GET3: variants seen among roughly 807,000 people sequenced by gnomAD.
The protein encoded by GET3 is ATPase GET3.
A neutral mutation model predicts 32.4 loss-of-function variants in GET3; 15 were observed. The observed-to-expected ratio is 0.46, with a 90% CI of 0.31 to 0.71. The LOEUF is 0.71. Among genes scored for constraint, GET3 ranks in the 30% least tolerant of loss-of-function variants. The pLI, the probability that GET3 is intolerant of heterozygous loss-of-function variation, is 0.05. For synonymous variants in GET3, 198 were observed against 185.6 expected (o/e 1.07, Z -0.54); for missense variants, 333 against 459.0 (o/e 0.73, Z 2.51).
At chr19:12,743,662 C>T (rs1166638916) in intron 2 of GET3, among the ~76,000 whole-genome samples, 8 of 141,832 alleles carry the variant, frequency 5.6e-5, no homozygotes, top group Admixed American at 1.4e-4. Context: ...TGGTGGCGGG[C>T]GCCTGTAGTC....
rs905668761 is a variant in GET3, at chr19:12,745,741, C to A, written c.591C>A (p.Ile197=). 3 of 1,610,050 alleles carry A rather than the reference C, an allele frequency of 1.9e-6. No homozygotes were observed. The African/African-American group carries it at 4.0e-5, about 21-fold the overall frequency. The change falls in exon 4 of 7, where the codon ATC becomes ATA. Residue 197 remains isoleucine (I), a synonymous_variant. Transcript: ENST00000357332. This position sits in a 1 kb window ranked among gnomAD's most constrained non-coding sequence, Gnocchi z 5.0. ...LGRLMQIKNQ[I]SPFISQMCNM... ...GGCTTATGCAGATCAAGAACCAGAT[C>A]AGCCCTTTCATCTCACAGGCAGGCG...
intron 2 of GET3, among the ~76,000 whole-genome samples, chr19:12,739,146 G>C (rs991689381): frequency 3.9e-5 from 6 of 151,964 alleles, no homozygotes; most frequent in African/African-American, 1.5e-4. Context: ...GCAGAATGTT[G>C]GGGGAGAAGT....
Position 12,745,432 on chromosome 19 carries a change from A to G in GET3, c.365A>G (p.Asp122Gly). Residue 122 changes from aspartate (D) to glycine (G), a missense_variant, in exon 3 of 7, where the codon GAC becomes GGC. By Grantham distance (94) the Asp-to-Gly change is moderately conservative. This residue lies in a region of GET3 where 230 missense variants were observed against 389.2 expected (regional missense o/e 0.59). Transcript: ENST00000357332. This position sits in a 1 kb window ranked among gnomAD's most constrained non-coding sequence, Gnocchi z 5.0. ...AELPDEFFEE[D>G]NMLSMGKKMM... The stretch of plus-strand genomic sequence containing the variant: ...CTGCCTGACGAGTTCTTCGAGGAGG[A>G]CAACATGCTGAGCATGGGCAAGAAG... 1 of 1,613,020 alleles carries G rather than the reference A, an allele frequency of 6.2e-7. No individual in the cohort carries two copies. Among genetic ancestry groups the G allele is most frequent in the Non-Finnish European group, 8.5e-7 (1 of 1,179,994 alleles).
At chr19:12,737,766 G>A in intron 1 of GET3, 100 bp downstream of exon 1, 3 of 1,431,654 alleles carry the variant, frequency 2.1e-6, no homozygotes, top group Admixed American at 3.0e-5. Context: ...GGGCATGGGG[G>A]CTGGCGGGGG....
Position 12,738,377 on chromosome 19 carries a change from A to G in GET3, c.162-134A>G, listed in dbSNP as rs8177468. ...GTAGGGACTGAGGCTCAATCCCACC[A>G]TAACCCATACTCTCCTCTCAAGGCC... On this transcript the variant is annotated intron_variant, in intron 1 of 6. Transcript: ENST00000357332. The G allele has an allele frequency of 8.5e-3, 9,248 of 1,093,550 alleles. 554 individuals carry two copies. The African/African-American group carries it at 0.13, about 15-fold the overall frequency. 67.7% of individuals were successfully genotyped at this position (1,093,550 alleles called of 1,614,324 possible).
chr19:12,738,885 G>C (rs1231963370), intron 2 of GET3, among the ~76,000 whole-genome samples: 1 of 152,204 alleles, frequency 6.6e-6, no homozygotes, highest in Non-Finnish European at 1.5e-5. Context: ...GGAGAAGTTG[G>C]AGAGACCAAT....
chr19:12,738,481 C>A, intron 1 of GET3, 30 bp from the exon 2 acceptor site: 1 of 1,612,964 alleles, frequency 6.2e-7, no homozygotes, highest in Non-Finnish European at 8.5e-7. Context: ...ATCCCCTCAT[C>A]CCCTATCTTT....
At position 12,747,350 on chromosome 19, in the gene GET3, C is replaced by G. The variant is rs1164405670; in HGVS notation, c.718-45C>G. 2 of 1,611,468 alleles carry G rather than the reference C, an allele frequency of 1.2e-6. No homozygotes were observed. Among genetic ancestry groups the G allele is most frequent in the East Asian group, 2.2e-5 (1 of 44,816 alleles). ...CGGTGAGAGGCCCGGGGGCTGAGGACAGGGGCAGACCCCGCCCCTCACTGT... is the reference window on the plus strand; with the variant it reads ...CGGTGAGAGGCCCGGGGGCTGAGGAGAGGGGCAGACCCCGCCCCTCACTGT... On this transcript the variant is annotated intron_variant, in intron 5 of 6. Transcript: ENST00000357332. The surrounding 1 kb of genome is among the most constrained non-coding windows in gnomAD (Gnocchi z 4.0).
chr19:12,748,086 G>GC lies in GET3; in HGVS notation c.1035dup (p.Ser346GlnfsTer72). 3 of 1,599,006 alleles carry GC rather than the reference G, an allele frequency of 1.9e-6. No individual in the cohort carries two copies. Among genetic ancestry groups the GC allele is most frequent in the South Asian group, 1.1e-5 (1 of 89,666 alleles). On this transcript the variant is annotated frameshift_variant, in exon 7 of 7. Coordinates refer to ENST00000357332, the MANE Select transcript of GET3 (RefSeq NM_004317.4). LOFTEE classifies it high-confidence loss of function. Reference sequence around the variant, plus strand: ...CGGCCCTCCTCCTGGAGCCCTACAAGCCCCCCAGTGCCCAGTAGCACAGCT... The same window carrying GC: ...CGGCCCTCCTCCTGGAGCCCTACAAGCCCCCCCAGTGCCCAGTAGCACAGCT...
chr19:12,746,336 T>C (rs1170276287), intron 4 of GET3, among the ~76,000 whole-genome samples: 1 of 152,220 alleles, frequency 6.6e-6, no homozygotes. Context: ...TTTTGCCATG[T>C]TGCCCAGGCT....
chr19:12,737,523 C>T lies in GET3; in HGVS notation c.18C>T (p.Ala6=), dbSNP rs758720583. Reference sequence around the variant, plus strand: ...GTTCCAAAATGGCGGCAGGGGTGGCCGGGTGGGGGGTTGAGGCAGAGGAGT... The same window carrying T: ...GTTCCAAAATGGCGGCAGGGGTGGCTGGGTGGGGGGTTGAGGCAGAGGAGT... MAAGV[A]GWGVEAEEFE... Residue 6 remains alanine (A), a synonymous_variant, in exon 1 of 7, where the codon GCC becomes GCT. Transcript: ENST00000357332. 27 of 1,561,106 alleles carry T rather than the reference C, an allele frequency of 1.7e-5. No homozygotes were observed. The highest frequency in any genetic ancestry group is 1.7e-4 in the Middle Eastern group (1 of 5,892).
intron 2 of GET3, among the ~76,000 whole-genome samples, chr19:12,738,896 C>T (rs1295252201): frequency 6.6e-6 from 1 of 152,198 alleles, no homozygotes; most frequent in African/African-American, 2.4e-5. Context: ...AGAGACCAAT[C>T]AGAGCCACAT....
chr19:12,737,248 A>G (rs1364042621), upstream of GET3: 3 of 369,372 alleles, frequency 8.1e-6, no homozygotes, highest in Non-Finnish European at 1.4e-5. Flanking sequence ...CTAGGGCCCA[A>G]TCAGTGAAAG....
intron 2 of GET3, among the ~76,000 whole-genome samples, chr19:12,741,268 A>AAT (rs1967663410): frequency 6.6e-6 from 1 of 150,508 alleles, no homozygotes; most frequent in Non-Finnish European, 1.5e-5. Flanking sequence ...CAGCCTGGCT[A>AAT]ACAGGGTGAA....
intron 2 of GET3, among the ~76,000 whole-genome samples, chr19:12,739,819 G>A (rs988673075): frequency 2.0e-5 from 3 of 151,942 alleles, no homozygotes; most frequent in Non-Finnish European, 2.9e-5. Context: ...CAAGGTGGGC[G>A]GATCACTTGA....
chr19:12,747,338 G>T lies in GET3; in HGVS notation c.717+34G>T. On this transcript the variant is annotated intron_variant, in intron 5 of 6. Coordinates refer to ENST00000357332, the MANE Select transcript of GET3 (RefSeq NM_004317.4). This position sits in a 1 kb window ranked among gnomAD's most constrained non-coding sequence, Gnocchi z 4.0. The stretch of plus-strand genomic sequence containing the variant: ...TGGTCTGGCTGGCGGTGAGAGGCCC[G>T]GGGGCTGAGGACAGGGGCAGACCCC... The T allele has an allele frequency of 6.2e-7, 1 of 1,609,672 alleles. No individual in the cohort carries two copies. Among genetic ancestry groups the T allele is most frequent in the Non-Finnish European group, 8.5e-7 (1 of 1,176,656 alleles).
chr19:12,745,815 C>T lies in GET3; in HGVS notation c.609+56C>T. The T allele has an allele frequency of 6.5e-7, 1 of 1,545,258 alleles. No individual in the cohort carries two copies. The highest frequency in any genetic ancestry group is 8.7e-7 in the Non-Finnish European group (1 of 1,151,386). ...CCAGGCAGCCGGGAGTGGGAGTAGG[C>T]CCGGGCCCCCAGACCCTCAAATGCG... On this transcript the variant is annotated intron_variant, in intron 4 of 6. Transcript: ENST00000357332. The surrounding 1 kb of genome is among the most constrained non-coding windows in gnomAD (Gnocchi z 5.0).
Position 12,747,845 on chromosome 19 carries a change from A to T in GET3, c.916-128A>T. ...ATGCAGCTCCCACTTATGACACCTT[A>T]AGCTCCTGCCCTATATTCTCTCCCT... On this transcript the variant is annotated intron_variant, in intron 6 of 6. Coordinates refer to ENST00000357332, the MANE Select transcript of GET3 (RefSeq NM_004317.4). This position sits in a 1 kb window ranked among gnomAD's most constrained non-coding sequence, Gnocchi z 4.0. 2.8e-6 allele frequency: 3 copies of T among 1,090,696 alleles called. No individual in the cohort carries two copies. Among genetic ancestry groups the T allele is most frequent in the Non-Finnish European group, 4.0e-6 (3 of 754,158 alleles). The allele number at this position is 1,090,696 out of a possible 1,614,324, so 67.6% of individuals were successfully genotyped here.
Position 12,745,083 on chromosome 19 carries a change from G to A in GET3, c.310-294G>A, listed in dbSNP as rs1304458421. 6.6e-6 allele frequency among the ~76,000 whole-genome samples: 1 copy of A among 152,140 alleles called. No homozygotes were observed. Among genetic ancestry groups the A allele is most frequent in the African/African-American group, 2.4e-5 (1 of 41,414 alleles). ...TGGGGTTGCAAGTGGCAGGTTGCAA[G>A]TGGGGAGTAGCAGTGTAAATGGCCC... On this transcript the variant is annotated intron_variant, in intron 2 of 6. Transcript: ENST00000357332. This position sits in a 1 kb window ranked among gnomAD's most constrained non-coding sequence, Gnocchi z 5.0.
Sources: allele counts gnomAD v4.1 joint callset (sites outside exome capture counted in the v4.1 genomes callset), GRCh38; gene constraint gnomAD v4.1.1; regional missense constraint gnomAD v4.1.1; non-coding constraint Gnocchi (gnomAD v3.1); transcripts MANE v1.5; gene names NCBI Gene and HGNC (gene_info 2026-07-23, HGNC 2026-07-21).